The following TOX variants were observed in gnomAD, a reference collection of about 807,000 sequenced individuals.
The protein encoded by TOX is thymocyte selection-associated high mobility group box protein TOX.
In TOX, 11 loss-of-function variants were observed where a neutral mutation model predicts 53.7. That is an observed-to-expected ratio of 0.20 (90% CI 0.13 to 0.34). The LOEUF (loss-of-function observed/expected upper bound fraction) is 0.34, where lower values mean the gene tolerates loss of function less well. Ranked by LOEUF, TOX falls within the 10% of genes least tolerant of loss-of-function variation. TOX has a pLI of 1.00. For missense variants in TOX, 570 were observed against 664.6 expected, an observed-to-expected ratio of 0.86 and a Z score of 1.56; for synonymous variants, 225 against 245.3, an observed-to-expected ratio of 0.92 and a Z score of 0.77.
chr8:59,069,588 A>G (rs2129422508), intron 1 of TOX, among the ~76,000 whole-genome samples: 1 of 152,322 alleles, frequency 6.6e-6, no homozygotes, highest in Admixed American at 6.5e-5. Flanking sequence ...GACCAGCCCC[A>G]GGGAATGTCG....
At chr8:58,861,035 A>G (rs1166870596) in intron 3 of TOX, among the ~76,000 whole-genome samples, 2 of 152,192 alleles carry the variant, frequency 1.3e-5, no homozygotes, top group East Asian at 3.9e-4. Context: ...TGCCAATGCC[A>G]TTTGTTTCCT....
intron 6 of TOX, among the ~76,000 whole-genome samples, chr8:58,823,684 A>G (rs1014385848): frequency 3.9e-5 from 6 of 152,326 alleles, no homozygotes; most frequent in East Asian, 3.9e-4. Flanking sequence ...CCTTTCAAGT[A>G]TCATGAAACA....
At chr8:59,116,948 G>T (rs1196518692) in intron 1 of TOX, among the ~76,000 whole-genome samples, 3 of 152,174 alleles carry the variant, frequency 2.0e-5, no homozygotes, top group Non-Finnish European at 4.4e-5. Context: ...ATTGGAAAAT[G>T]ATTTAATATA....
intron 3 of TOX, among the ~76,000 whole-genome samples, chr8:58,912,091 A>T (rs915396107): frequency 3.3e-5 from 5 of 152,230 alleles, no homozygotes; most frequent in African/African-American, 1.2e-4. Flanking sequence ...AGTACCACTG[A>T]AATGGACTTT....
chr8:59,054,444 G>A (rs1349409222), intron 1 of TOX, among the ~76,000 whole-genome samples: 1 of 152,096 alleles, frequency 6.6e-6, no homozygotes, highest in Non-Finnish European at 1.5e-5. Context: ...CCTTAGAGTT[G>A]TGAGTTCGCT....
chr8:58,853,096 C>A (rs953153108), intron 3 of TOX, among the ~76,000 whole-genome samples: 4 of 152,138 alleles, frequency 2.6e-5, no homozygotes, highest in Admixed American at 1.3e-4. Context: ...CCCATGTGTG[C>A]CCTGTGTTCT....
At chr8:59,074,324 T>C (rs538685250) in intron 1 of TOX, among the ~76,000 whole-genome samples, 1 of 152,146 alleles carries the variant, frequency 6.6e-6, no homozygotes, top group Non-Finnish European at 1.5e-5. Context: ...CAGCAAAATG[T>C]TGAATATTTG....
At chr8:58,817,891 CAT>C (rs1810208094) in intron 6 of TOX, among the ~76,000 whole-genome samples, 1 of 151,938 alleles carries the variant, frequency 6.6e-6, no homozygotes, top group African/African-American at 2.4e-5. Flanking sequence ...CTATATATAA[CAT>C]ATTACTAGAT....
At chr8:58,960,447 A>G (rs1179146693) in intron 1 of TOX, among the ~76,000 whole-genome samples, 2 of 152,260 alleles carry the variant, frequency 1.3e-5, no homozygotes, top group Non-Finnish European at 2.9e-5. Flanking sequence ...CTCTCAAAAA[A>G]GAAAAAGTGC....
At chr8:58,894,038 C>A (rs776260859) in intron 3 of TOX, among the ~76,000 whole-genome samples, 6 of 152,180 alleles carry the variant, frequency 3.9e-5, no homozygotes, top group Non-Finnish European at 8.8e-5. Flanking sequence ...AAATGGATTG[C>A]CCTTTAGCTT....
chr8:59,040,328 CAAAAAA>C (rs770561876), intron 1 of TOX, among the ~76,000 whole-genome samples: 20 of 81,302 alleles, frequency 2.5e-4, no homozygotes, highest in Non-Finnish European at 4.4e-4. Context: ...GACTCCGTCT[CAAAAAA>C]AAAAAAAAAA....
intron 3 of TOX, among the ~76,000 whole-genome samples, chr8:58,936,657 A>T (rs1204544438): frequency 6.6e-6 from 1 of 152,150 alleles, no homozygotes; most frequent in Non-Finnish European, 1.5e-5. Context: ...ACTTTATTAG[A>T]TTTCTATTGC....
intron 5 of TOX, among the ~76,000 whole-genome samples, chr8:58,829,964 T>G (rs1810425470): frequency 6.6e-6 from 1 of 152,154 alleles, no homozygotes; most frequent in South Asian, 2.1e-4. Flanking sequence ...GAACAACCAC[T>G]GCCATGAGCA....
intron 2 of TOX, among the ~76,000 whole-genome samples, chr8:58,952,015 C>T (rs1338578369): frequency 6.6e-6 from 1 of 152,118 alleles, no homozygotes; most frequent in Non-Finnish European, 1.5e-5. Context: ...CACTAAAACC[C>T]TCTTTGTGTT....
chr8:58,870,569 G>C (rs914867298), intron 3 of TOX, among the ~76,000 whole-genome samples: 1 of 152,062 alleles, frequency 6.6e-6, no homozygotes, highest in South Asian at 2.1e-4. Context: ...AAACAACCCA[G>C]TATAGCCAAC....
chr8:59,005,441 G>T (rs900573363), intron 1 of TOX, among the ~76,000 whole-genome samples: 7 of 152,146 alleles, frequency 4.6e-5, no homozygotes, highest in Admixed American at 4.6e-4. Context: ...AGCTAAAAGG[G>T]AGGTCTATTC....
chr8:58,989,363 G>C (rs575265743), intron 1 of TOX, among the ~76,000 whole-genome samples: 8 of 152,028 alleles, frequency 5.3e-5, no homozygotes, highest in Admixed American at 5.2e-4. Flanking sequence ...GCTATGTTTA[G>C]TGCATGGTGT....
intron 1 of TOX, among the ~76,000 whole-genome samples, chr8:59,031,956 T>C (rs9694192): frequency 0.25 from 37,655 of 152,198 alleles, 5,440 homozygotes; most frequent in African/African-American, 0.4. Context: ...AAGATTTGTA[T>C]GTGAATCAGT....
At chr8:58,935,610 G>A (rs1220289115) in intron 3 of TOX, among the ~76,000 whole-genome samples, 4 of 152,088 alleles carry the variant, frequency 2.6e-5, no homozygotes, top group African/African-American at 9.7e-5. Context: ...TTTCGAGGTG[G>A]GCAACATTTA....
Sources: allele counts gnomAD v4.1 joint callset (sites outside exome capture counted in the v4.1 genomes callset), GRCh38; gene constraint gnomAD v4.1.1; transcripts MANE v1.5; gene names NCBI Gene and HGNC (gene_info 2026-07-23, HGNC 2026-07-21).